The following SLC17A4 variants were observed in gnomAD, a reference collection of about 807,000 sequenced individuals.
The protein encoded by SLC17A4 is solute carrier family 17 member 4.
SLC17A4 carries 33 observed loss-of-function variants against 52.5 expected under a neutral mutation model. That is an observed-to-expected ratio of 0.63 (90% CI 0.48 to 0.84). SLC17A4 has a LOEUF of 0.84. Ranked by LOEUF, SLC17A4 falls within the 40% of genes least tolerant of loss-of-function variation. The pLI is 0.00. For missense variants in SLC17A4, 585 were observed against 597.1 expected, an observed-to-expected ratio of 0.98 and a Z score of 0.21; for synonymous variants, 225 against 216.2, an observed-to-expected ratio of 1.04 and a Z score of -0.36.
chr6:25,755,549 A>G (rs1760941955), intron 1 of SLC17A4, among the ~76,000 whole-genome samples: 1 of 134,526 alleles, frequency 7.4e-6, no homozygotes, highest in Admixed American at 7.3e-5. Context: ...TCCAAAAAGA[A>G]CAGACACAAG....
In SLC17A4 at chr6:25,776,586, G is replaced by T. The variant is rs1412330022; in HGVS notation, c.988-9G>T. On this transcript the variant is annotated splice_polypyrimidine_tract_variant and intron_variant, in intron 8 of 11. Coordinates refer to ENST00000377905, the MANE Select transcript of SLC17A4 (RefSeq NM_005495.3). ...GGCACATGCACCTGACCTAGTCTCT[G>T]GTCCTCAGAGTGGGATCCTGTCTGC... 8 of 1,593,412 alleles carry T rather than the reference G, an allele frequency of 5.0e-6. No homozygotes were observed. The highest frequency in any genetic ancestry group is 1.7e-4 in the Middle Eastern group (1 of 5,958).
chr6:25,773,381 A>T lies in SLC17A4; in HGVS notation c.813A>T (p.Ser271=), dbSNP rs761845040. Residue 271 remains serine, a synonymous_variant, in exon 7 of 12, where the codon TCA becomes TCT. Transcript: ENST00000377905. ...GTGAGAAGAGATACATTGTGTGTTC[A>T]TTGGCTCAGCAGGTACATTGAGGAA... ...SAGEKRYIVC[S]LAQQDCSPGW... 14 of 1,613,822 alleles carry T rather than the reference A, an allele frequency of 8.7e-6. No individual in the cohort carries two copies. Among genetic ancestry groups the T allele is most frequent in the Non-Finnish European group, 1.2e-5 (14 of 1,179,802 alleles).
At chr6:25,768,739 T>A (rs953099167) in intron 2 of SLC17A4, among the ~76,000 whole-genome samples, 2 of 152,074 alleles carry the variant, frequency 1.3e-5, no homozygotes, top group Non-Finnish European at 2.9e-5. Flanking sequence ...CCTAAAAAGC[T>A]CTCCCCTAAT....
chr6:25,771,085 A>G, intron 6 of SLC17A4, 73 bp downstream of exon 6: 1 of 1,193,022 alleles, frequency 8.4e-7, no homozygotes, highest in Non-Finnish European at 1.3e-6. Flanking sequence ...TGGTTAACCA[A>G]ATCCTAATAG....
At chr6:25,769,353 C>T (rs1388636573) in intron 3 of SLC17A4, among the ~76,000 whole-genome samples, 163 bp downstream of exon 3, 2 of 152,066 alleles carry the variant, frequency 1.3e-5, no homozygotes, top group African/African-American at 4.8e-5. Context: ...TGGTGGCTCA[C>T]ACCTTTAGTC....
At chr6:25,762,600 T>C (rs1443370963) in intron 2 of SLC17A4, among the ~76,000 whole-genome samples, 1 of 152,234 alleles carries the variant, frequency 6.6e-6, no homozygotes, top group Non-Finnish European at 1.5e-5. Context: ...CTTTTAAGGA[T>C]ATAGTCATTT....
chr6:25,766,501 A>G (rs1296919068), intron 2 of SLC17A4, among the ~76,000 whole-genome samples: 2 of 152,174 alleles, frequency 1.3e-5, no homozygotes, highest in African/African-American at 4.8e-5. Context: ...AATTCATACA[A>G]AAAATTAAAA....
chr6:25,756,324 G>A (rs1250609001), intron 1 of SLC17A4, among the ~76,000 whole-genome samples: 5 of 152,098 alleles, frequency 3.3e-5, no homozygotes, highest in African/African-American at 9.7e-5. Context: ...CTTGCTCAGC[G>A]CTGTCTCCTT....
chr6:25,759,804 G>T (rs190859163), intron 1 of SLC17A4, among the ~76,000 whole-genome samples: 235 of 152,248 alleles, frequency 1.5e-3, no homozygotes, highest in African/African-American at 5.2e-3. Flanking sequence ...ATAGATACTT[G>T]GTTGTTTACC....
intron 3 of SLC17A4, 129 bp from the exon 4 acceptor site, chr6:25,769,938 T>C: frequency 1.3e-6 from 1 of 764,040 alleles, no homozygotes; most frequent in Non-Finnish European, 2.2e-6. Context: ...ATGATACTGG[T>C]ATATTGGAGG....
rs1762643742 is a variant in SLC17A4 at position 25,773,461 on chromosome 6, T to C, written c.826-52T>C. 2.5e-6 allele frequency: 4 copies of C among 1,612,926 alleles called. No individual in the cohort carries two copies. The African/African-American group carries it at 4.0e-5, about 16-fold the overall frequency. On this transcript the variant is annotated intron_variant, in intron 7 of 11. Transcript: ENST00000377905. ...GACGTCTGAGAGATGAAGAATGTGATAGAGAGAGCTGCCTTCTGACGGAGG... is the reference window on the plus strand; with the variant it reads ...GACGTCTGAGAGATGAAGAATGTGACAGAGAGAGCTGCCTTCTGACGGAGG...
At chr6:25,764,615 T>G (rs1489741312) in intron 2 of SLC17A4, among the ~76,000 whole-genome samples, 1 of 152,104 alleles carries the variant, frequency 6.6e-6, no homozygotes, top group Admixed American at 6.5e-5. Flanking sequence ...GGGTGCAGTG[T>G]TATAGGAAGA....
At chr6:25,772,152 C>T (rs1261083361) in intron 6 of SLC17A4, among the ~76,000 whole-genome samples, 1 of 152,082 alleles carries the variant, frequency 6.6e-6, no homozygotes, top group Non-Finnish European at 1.5e-5. Flanking sequence ...AAGTTTTTAT[C>T]ATGAAAACTT....
intron 1 of SLC17A4, among the ~76,000 whole-genome samples, chr6:25,755,022 G>T (rs1760881807): frequency 7.2e-6 from 1 of 139,306 alleles, no homozygotes; most frequent in Non-Finnish European, 1.5e-5. Flanking sequence ...TAGCTGAACA[G>T]AGACAGACAG....
chr6:25,779,351 C>A lies in SLC17A4; in HGVS notation c.*163C>A. 1 of 891,982 alleles carries A rather than the reference C, an allele frequency of 1.1e-6. No homozygotes were observed. The highest frequency in any genetic ancestry group is 1.7e-6 in the Non-Finnish European group (1 of 600,732). 55.3% of individuals were successfully genotyped at this position (891,982 alleles called of 1,614,324 possible). ...CTGGAAATTTTACAGGGGAAGAAAA[C>A]ACGCTAGTTATTTAACTGCAAGCTA... On this transcript the variant is annotated 3_prime_UTR_variant, in exon 12 of 12. Transcript: ENST00000377905.
intron 1 of SLC17A4, among the ~76,000 whole-genome samples, chr6:25,755,220 G>A (rs762999332): frequency 6.6e-6 from 1 of 152,100 alleles, no homozygotes; most frequent in Non-Finnish European, 1.5e-5. Context: ...TCTCAGAGAG[G>A]AAGATTTTCA....
intron 10 of SLC17A4, 46 bp from the exon 11 acceptor site, chr6:25,777,880 A>G (rs1361364945): frequency 6.6e-7 from 1 of 1,508,098 alleles, no homozygotes; most frequent in Non-Finnish European, 9.2e-7. Flanking sequence ...AGACTTTCAA[A>G]CGTAGGTATA....
chr6:25,779,219 C>T lies in SLC17A4; in HGVS notation c.*31C>T, dbSNP rs1477357469. ...CCGAGAGATGTGCTAGATCCTGGTG[C>T]TTAGTTCATCATTGTTTTCCCTCAC... On this transcript the variant is annotated 3_prime_UTR_variant, in exon 12 of 12. Coordinates refer to ENST00000377905, the MANE Select transcript of SLC17A4 (RefSeq NM_005495.3). The T allele has an allele frequency of 1.2e-6, 2 of 1,610,338 alleles. No individual in the cohort carries two copies. Among genetic ancestry groups the T allele is most frequent in the African/African-American group, 1.3e-5 (1 of 74,760 alleles).
intron 1 of SLC17A4, among the ~76,000 whole-genome samples, chr6:25,757,370 T>C (rs1162410282): frequency 6.6e-6 from 1 of 152,064 alleles, no homozygotes; most frequent in Non-Finnish European, 1.5e-5. Flanking sequence ...TTCCTTTACA[T>C]CTGCTTGGTG....
Sources: gnomAD v4.1 joint callset for allele counts (sites outside exome capture counted in the v4.1 genomes callset) on GRCh38, gnomAD v4.1.1 for gene constraint, MANE v1.5 for transcripts, NCBI Gene and HGNC (gene_info 2026-07-23, HGNC 2026-07-21) for gene names.